Variants in POU6F2 observed in about 807,000 individuals in gnomAD.
POU6F2 encodes POU class 6 homeobox 2, also known as POU domain, class 6, transcription factor 2.
In POU6F2, 31 loss-of-function variants were observed where a neutral mutation model predicts 71.3. The ratio of observed to expected loss-of-function variants is 0.43; its 90% CI spans 0.33 to 0.59. POU6F2 has a LOEUF of 0.59. POU6F2 is among the 20% of genes least tolerant of loss of function. POU6F2 has a pLI of 0.04. For missense variants in POU6F2, 783 were observed against 856.8 expected (o/e 0.91, Z 1.07); for synonymous variants, 347 against 355.7 (o/e 0.98, Z 0.27).
At position 39,207,378 on chromosome 7, in the gene POU6F2, C is replaced by CT. The variant is rs1251671346; in HGVS notation, c.370-13dup. ...CCACAGGAAAGTGAGCTAGCTGTAT[C>CT]TGTTTCCTTGCAGCCACTTCTGACG... On this transcript the variant is annotated splice_polypyrimidine_tract_variant and intron_variant, in intron 3 of 9. Transcript: ENST00000518318. 1 of 1,612,044 alleles carries CT rather than the reference C, an allele frequency of 6.2e-7. No individual in the cohort carries two copies. The highest frequency in any genetic ancestry group is 2.2e-5 in the East Asian group (1 of 44,866).
chr7:38,993,226 C>A (rs1358833462), intron 1 of POU6F2, among the ~76,000 whole-genome samples: 3 of 151,914 alleles, frequency 2.0e-5, no homozygotes, highest in African/African-American at 7.2e-5. Flanking sequence ...TATACATATA[C>A]ATATATTCCT....
chr7:39,311,765 T>G (rs1162685935), intron 4 of POU6F2, among the ~76,000 whole-genome samples: 1 of 152,040 alleles, frequency 6.6e-6, no homozygotes, highest in Non-Finnish European at 1.5e-5. Flanking sequence ...AGTTGTAAAA[T>G]AAAGGGACAA....
chr7:38,995,043 G>A (rs1318194547), intron 1 of POU6F2, among the ~76,000 whole-genome samples: 1 of 152,104 alleles, frequency 6.6e-6, no homozygotes, highest in African/African-American at 2.4e-5. Flanking sequence ...GAAATCCCTG[G>A]AAAGCCATGC....
rs151249480 is a variant in POU6F2, at chr7:39,267,018, T to G, written c.598+59398T>G. 6.6e-5 allele frequency among the ~76,000 whole-genome samples: 10 copies of G among 152,294 alleles called. No homozygotes were observed. The East Asian group carries it at 1.9e-3, about 29-fold the overall frequency. ...TGCGTAGTGATTTTGAAATGAAGAT[T>G]CTATATTTTGTAAATAAGCTGCCTT... is the stretch of plus-strand genomic sequence containing the variant. On this transcript the variant is annotated intron_variant, in intron 4 of 9. Coordinates refer to ENST00000518318, the MANE Select transcript of POU6F2 (RefSeq NM_001370959.1).
chr7:39,425,725 C>G (rs190122704), intron 6 of POU6F2, among the ~76,000 whole-genome samples: 20 of 152,190 alleles, frequency 1.3e-4, no homozygotes, highest in African/African-American at 4.8e-4. Context: ...CTCTCTTTTC[C>G]CTTGTCTCCT....
intron 4 of POU6F2, among the ~76,000 whole-genome samples, chr7:39,292,030 G>A (rs1031877220): frequency 8.7e-6 from 1 of 115,602 alleles, no homozygotes; most frequent in South Asian, 2.8e-4. Context: ...GGGATACTCA[G>A]AAGGGGGAAA....
chr7:39,044,441 G>C (rs1429085534), intron 1 of POU6F2, among the ~76,000 whole-genome samples: 6 of 151,772 alleles, frequency 4.0e-5, no homozygotes, highest in Non-Finnish European at 5.9e-5. Flanking sequence ...TTCCATTTTT[G>C]ACAATAAAAT....
At chr7:39,065,624 A>G (rs192314249) in intron 1 of POU6F2, among the ~76,000 whole-genome samples, 15 of 151,564 alleles carry the variant, frequency 9.9e-5, no homozygotes, top group African/African-American at 3.4e-4. Context: ...AGATTTAACA[A>G]TGAATATGAA....
intron 4 of POU6F2, among the ~76,000 whole-genome samples, chr7:39,214,006 T>C (rs1003524632): frequency 4.6e-5 from 7 of 152,242 alleles, no homozygotes; most frequent in South Asian, 2.1e-4. Context: ...GGAGATCTAA[T>C]GGGCTGCTTG....
intron 4 of POU6F2, among the ~76,000 whole-genome samples, chr7:39,287,502 C>A (rs1208996028): frequency 1.3e-5 from 2 of 152,216 alleles, no homozygotes; most frequent in African/African-American, 4.8e-5. Context: ...AGTCTACCAA[C>A]CTCACTGAGT....
intron 5 of POU6F2, among the ~76,000 whole-genome samples, chr7:39,367,908 C>T (rs932988362): frequency 5.9e-5 from 9 of 152,032 alleles, no homozygotes; most frequent in African/African-American, 1.4e-4. Context: ...TGGGGTGCTA[C>T]GTATCATACC....
intron 4 of POU6F2, among the ~76,000 whole-genome samples, chr7:39,259,353 C>T (rs1784088627): frequency 6.6e-6 from 1 of 152,174 alleles, no homozygotes; most frequent in Admixed American, 6.5e-5. Context: ...AGTTTCCGGC[C>T]TTTGGAAACA....
rs575862278 is a variant in POU6F2, at chr7:39,044,732, G to A, written c.106-41128G>A. On this transcript the variant is annotated intron_variant, in intron 1 of 9. Transcript: ENST00000518318. ...AATTGCTGACAGAGCCCATGAATAA[G>A]TTGATAAATATGAGCATTTTTTTGC... 7.2e-5 allele frequency among the ~76,000 whole-genome samples: 11 copies of A among 152,094 alleles called. No homozygotes were observed. In the East Asian group the frequency reaches 1.9e-3, roughly 27 times the overall value.
intron 4 of POU6F2, among the ~76,000 whole-genome samples, chr7:39,241,133 T>A (rs6962811): frequency 0.24 from 36,990 of 151,982 alleles, 5,437 homozygotes; most frequent in African/African-American, 0.42. Context: ...TTAGGTCGCA[T>A]GCGTACTCTT....
At chr7:39,348,874 T>C (rs893947039) in intron 5 of POU6F2, among the ~76,000 whole-genome samples, 2 of 152,234 alleles carry the variant, frequency 1.3e-5, no homozygotes, top group Non-Finnish European at 2.9e-5. Context: ...TACTGAAGGC[T>C]AAAAGACATC....
chr7:39,020,824 A>C (rs748633941), intron 1 of POU6F2, among the ~76,000 whole-genome samples: 1 of 151,872 alleles, frequency 6.6e-6, no homozygotes, highest in East Asian at 1.9e-4. Flanking sequence ...GTTTGGCAGA[A>C]TGTACCTTTT....
intron 1 of POU6F2, among the ~76,000 whole-genome samples, chr7:39,076,287 C>G (rs902112114): frequency 6.6e-6 from 1 of 151,560 alleles, no homozygotes; most frequent in Non-Finnish European, 1.5e-5. Flanking sequence ...ATCAACCAGT[C>G]AAACACACTT....
At chr7:39,064,266 G>GT (rs1790713708) in intron 1 of POU6F2, among the ~76,000 whole-genome samples, 1 of 151,944 alleles carries the variant, frequency 6.6e-6, no homozygotes, top group Non-Finnish European at 1.5e-5. Context: ...GTTGGTGGTT[G>GT]TATAAAGCTA....
In POU6F2 at chr7:39,017,522, C is replaced by T. The variant is rs1313310771; in HGVS notation, c.105+39464C>T. ...ATAACCTAAAGCAGATTACTGTATC[C>T]CTGGCTGGAAAGCATCAGGAGGTCC... is the stretch of plus-strand genomic sequence containing the variant. On this transcript the variant is annotated intron_variant, in intron 1 of 9. Coordinates refer to ENST00000518318, the MANE Select transcript of POU6F2 (RefSeq NM_001370959.1). Among the ~76,000 whole-genome samples, 6 of 152,104 alleles carry T rather than the reference C, an allele frequency of 3.9e-5. No individual in the cohort carries two copies. In the East Asian group the frequency reaches 7.7e-4, roughly 20 times the overall value.
Sources: gnomAD v4.1 joint callset for allele counts (sites outside exome capture counted in the v4.1 genomes callset) on GRCh38, gnomAD v4.1.1 for gene constraint, MANE v1.5 for transcripts, NCBI Gene and HGNC (gene_info 2026-07-23, HGNC 2026-07-21) for gene names.